ADCY7: variants seen among roughly 807,000 people sequenced by gnomAD.
The protein encoded by ADCY7 is adenylate cyclase 7, also known as adenylate cyclase type 7.
A neutral mutation model predicts 120.6 loss-of-function variants in ADCY7; 72 were observed. The observed-to-expected ratio is 0.60, with a 90% CI of 0.49 to 0.73. The LOEUF is 0.73. ADCY7 is among the 30% of genes least tolerant of loss of function. The pLI is 0.00. For missense variants in ADCY7, 1,227 were observed against 1,486.0 expected (o/e 0.83, Z 2.87); for synonymous variants, 661 against 628.0 (o/e 1.05, Z -0.78).
Position 50,301,365 on chromosome 16 carries a change from G to A in ADCY7, c.1368+151G>A, listed in dbSNP as rs900827496. 4.6e-6 allele frequency: 5 copies of A among 1,077,548 alleles called. No individual in the cohort carries two copies. In the African/African-American group the frequency reaches 6.4e-5, roughly 14 times the overall value. 66.7% of individuals were successfully genotyped at this position (1,077,548 alleles called of 1,614,324 possible). A position where few individuals can be genotyped will look rare whatever the true frequency, so the allele number is the denominator to read the frequency against. On this transcript the variant is annotated intron_variant, in intron 10 of 25. Coordinates refer to ENST00000673801, the MANE Select transcript of ADCY7 (RefSeq NM_001114.5). ...GCAGGAGTGAGCTCCCTGTTCCCAG[G>A]CACATTCTAGGCACCGAGTAGCCAC...
chr16:50,252,003 C>T (rs1419491100), intron 1 of ADCY7, among the ~76,000 whole-genome samples: 1 of 152,260 alleles, frequency 6.6e-6, no homozygotes, highest in Non-Finnish European at 1.5e-5. Context: ...GCCTGCTCTC[C>T]TGTCACAGTC....
rs1421566343 is a variant in ADCY7 at position 50,292,029 on chromosome 16, G to A, written c.537+132G>A. The A allele has an allele frequency of 1.8e-5, 19 of 1,052,446 alleles. No individual in the cohort carries two copies. The Admixed American group carries it at 3.2e-4, about 18-fold the overall frequency. 65.2% of individuals were successfully genotyped at this position (1,052,446 alleles called of 1,614,324 possible). A position where few individuals can be genotyped will look rare whatever the true frequency, so the allele number is the denominator to read the frequency against. On this transcript the variant is annotated intron_variant, in intron 4 of 25. Transcript: ENST00000673801. ...TTTGCAGACAGCCCGCTCCAAGGCC[G>A]GGCCCTCTCCACGTCTGCTCGGAAG...
intron 1 of ADCY7, among the ~76,000 whole-genome samples, chr16:50,255,402 G>GGAAAAAAAAAAAAA (rs368044444): frequency 7.4e-5 from 8 of 108,122 alleles, no homozygotes; most frequent in African/African-American, 2.9e-4. Context: ...TCTGTTTCTG[G>GGAAAAAAAAAAAAA]AAAAAAAAAA....
intron 1 of ADCY7, among the ~76,000 whole-genome samples, chr16:50,284,718 G>A (rs567990181): frequency 5.3e-5 from 8 of 152,372 alleles, no homozygotes; most frequent in Admixed American, 3.3e-4. Context: ...AGCCTGGGCT[G>A]AGGAGCCCTG....
chr16:50,294,625 CT>C lies in ADCY7; in HGVS notation c.837-14del. On this transcript the variant is annotated splice_polypyrimidine_tract_variant and intron_variant, in intron 6 of 25. Coordinates refer to ENST00000673801, the MANE Select transcript of ADCY7 (RefSeq NM_001114.5). The stretch of plus-strand genomic sequence containing the variant: ...CCTGGCTCTGACACTCCCTCCCACC[CT>C]GCCCCATCCCCAGCATCCTCTATGC... 1 of 1,461,644 alleles carries C rather than the reference CT, an allele frequency of 6.8e-7. No homozygotes were observed. The highest frequency in any genetic ancestry group is 9.5e-7 in the Non-Finnish European group (1 of 1,048,812). The allele number at this position is 1,461,644 out of a possible 1,614,324, so 90.5% of individuals were successfully genotyped here.
intron 15 of ADCY7, 50 bp downstream of exon 15, chr16:50,307,197 G>T (rs1383525053): frequency 1.3e-6 from 2 of 1,557,548 alleles, no homozygotes; most frequent in Admixed American, 1.7e-5. Context: ...GATCCAGGCT[G>T]GAAGGTGACT....
chr16:50,258,510 T>A (rs780399799), intron 1 of ADCY7, among the ~76,000 whole-genome samples: 1 of 65,452 alleles, frequency 1.5e-5, no homozygotes, highest in African/African-American at 5.9e-5. Flanking sequence ...GGAGATGCTA[T>A]TGGAAATTTC....
Position 50,307,141 on chromosome 16 carries a change from T to C in ADCY7, c.1844T>C (p.Met615Thr), listed in dbSNP as rs1401756770. 6.2e-7 allele frequency: 1 copy of C among 1,611,746 alleles called. No homozygotes were observed. The change falls in exon 15 of 26, where the codon ATG becomes ACG. Residue 615 changes from methionine to threonine, a missense_variant. Met to Thr is a moderately conservative substitution (Grantham distance 81). Coordinates refer to ENST00000673801, the MANE Select transcript of ADCY7 (RefSeq NM_001114.5). ...ATCCTGCTCGTCCATGTCCTGCTCA[T>C]GCCCAGGTCAGTTGCAGGGAGGGGT... ...VCILLVHVLL[M>T]PRTAALGVSF...
intron 1 of ADCY7, among the ~76,000 whole-genome samples, chr16:50,270,204 T>TAGAG (rs1430589999): frequency 6.6e-6 from 1 of 151,730 alleles, no homozygotes; most frequent in East Asian, 1.9e-4. Context: ...GATAGATAGA[T>TAGAG]AGATAGATAG....
At chr16:50,293,861 C>T (rs377497783) in intron 6 of ADCY7, among the ~76,000 whole-genome samples, 1 of 152,224 alleles carries the variant, frequency 6.6e-6, no homozygotes, top group Non-Finnish European at 1.5e-5. Flanking sequence ...GCCCCCCGGC[C>T]TTGGTGCCCA....
chr16:50,257,997 G>A (rs1255920316), intron 1 of ADCY7, among the ~76,000 whole-genome samples: 1 of 151,968 alleles, frequency 6.6e-6, no homozygotes, highest in Non-Finnish European at 1.5e-5. Context: ...CGCTTGCCTC[G>A]GCCTCCCAAG....
intron 13 of ADCY7, 37 bp downstream of exon 13, chr16:50,305,623 TC>T: frequency 6.4e-7 from 1 of 1,551,256 alleles, no homozygotes; most frequent in Non-Finnish European, 8.8e-7. Context: ...CCCTCTCCTC[TC>T]CCCCTCGGAT....
chr16:50,254,947 T>C (rs2032867053), intron 1 of ADCY7, among the ~76,000 whole-genome samples: 1 of 151,938 alleles, frequency 6.6e-6, no homozygotes, highest in Non-Finnish European at 1.5e-5. Flanking sequence ...TTTCAAAATA[T>C]ATTACAAGCT....
chr16:50,292,974 G>C, intron 5 of ADCY7, 149 bp downstream of exon 5: 1 of 1,048,184 alleles, frequency 9.5e-7, no homozygotes, highest in Non-Finnish European at 1.4e-6. Flanking sequence ...GCTCCAGCAG[G>C]GTAACCATAG....
intron 17 of ADCY7, 178 bp downstream of exon 17, chr16:50,308,970 C>T (rs551675331): frequency 7.1e-5 from 53 of 742,866 alleles, no homozygotes; most frequent in East Asian, 5.0e-4. Flanking sequence ...TTCTCAAATG[C>T]GGACTTTGGG....
intron 1 of ADCY7, among the ~76,000 whole-genome samples, chr16:50,275,010 T>C (rs888040109): frequency 2.6e-5 from 4 of 152,200 alleles, no homozygotes; most frequent in Admixed American, 2.6e-4. Flanking sequence ...GCCACTCCTC[T>C]GCATTCCATG....
At position 50,311,302 on chromosome 16, in the gene ADCY7, A is replaced by C. The variant is rs1260273441; in HGVS notation, c.2355-391A>C. 2.0e-5 allele frequency among the ~76,000 whole-genome samples: 3 copies of C among 152,122 alleles called. No individual in the cohort carries two copies. The South Asian group carries it at 6.2e-4, about 32-fold the overall frequency. ...ATTAAGGAGCGGACCTGGCCCCCCT[A>C]AACAAAAAAGCTGGAAGCCTGGGAC... On this transcript the variant is annotated intron_variant, in intron 19 of 25. Transcript: ENST00000673801.
intron 1 of ADCY7, among the ~76,000 whole-genome samples, chr16:50,252,766 G>A (rs1234063751): frequency 2.0e-5 from 3 of 152,078 alleles, no homozygotes; most frequent in Admixed American, 1.3e-4. Flanking sequence ...GAAAAAGCTC[G>A]TTTCTTATTT....
upstream of ADCY7, among the ~76,000 whole-genome samples, chr16:50,262,697 C>A (rs1464455334): frequency 1.3e-5 from 2 of 152,166 alleles, no homozygotes; most frequent in East Asian, 1.9e-4. Flanking sequence ...TAGGAACTTG[C>A]ATGAAAGGGA....
Sources: gnomAD v4.1 joint callset for allele counts (sites outside exome capture counted in the v4.1 genomes callset) on GRCh38, gnomAD v4.1.1 for gene constraint, MANE v1.5 for transcripts, NCBI Gene and HGNC (gene_info 2026-07-23, HGNC 2026-07-21) for gene names.